The following SSBP2 variants were observed in gnomAD, a reference collection of about 807,000 sequenced individuals.
SSBP2 encodes the protein single-stranded DNA-binding protein 2.
In SSBP2, 17 loss-of-function variants were observed where a neutral mutation model predicts 61.8. That is an observed-to-expected ratio of 0.28 (90% confidence interval 0.19 to 0.41). SSBP2 has a LOEUF of 0.41. SSBP2 is among the 10% of genes least tolerant of loss of function. SSBP2 has a pLI of 1.00. For missense variants in SSBP2, 310 were observed against 458.7 expected (o/e 0.68, Z 2.96); for synonymous variants, 139 against 141.3 (o/e 0.98, Z 0.12).
At chr5:81,662,592 A>AGGAG (rs1750786563) in intron 1 of SSBP2, among the ~76,000 whole-genome samples, 1 of 152,160 alleles carries the variant, frequency 6.6e-6, no homozygotes, top group Admixed American at 6.5e-5. Context: ...TCACGAGGTC[A>AGGAG]GGAGTTCAAG....
chr5:81,749,657 T>G (rs879390514), intron 1 of SSBP2, among the ~76,000 whole-genome samples: 18 of 139,174 alleles, frequency 1.3e-4, no homozygotes, highest in Non-Finnish European at 2.1e-4. Flanking sequence ...ACTGATCTGT[T>G]GCACAGTTTA....
chr5:81,508,454 G>A (rs1768347030), intron 5 of SSBP2, among the ~76,000 whole-genome samples: 1 of 152,086 alleles, frequency 6.6e-6, no homozygotes, highest in Non-Finnish European at 1.5e-5. Flanking sequence ...TGTCCGACTA[G>A]TCTTACTGAT....
chr5:81,693,296 A>G (rs1224303654), intron 1 of SSBP2, among the ~76,000 whole-genome samples: 1 of 152,058 alleles, frequency 6.6e-6, no homozygotes, highest in Non-Finnish European at 1.5e-5. Context: ...CCCTACAAGC[A>G]CAAGCAATCA....
rs536046267 is a variant in SSBP2, at chr5:81,674,751, A to AAT, written c.63-24413_63-24412insAT. On this transcript the variant is annotated intron_variant, in intron 1 of 16. Coordinates refer to ENST00000320672, the MANE Select transcript of SSBP2 (RefSeq NM_012446.5). ...CGGTTGAAAGGGATAAATTACACTA[A>AAT]TATTGACAATTACAAAGTCATCTAA... is the stretch of plus-strand genomic sequence containing the variant. Among the ~76,000 whole-genome samples the AAT allele has an allele frequency of 4.0e-3, 612 of 152,310 alleles. 4 individuals are homozygous for AAT. Among genetic ancestry groups the AAT allele is most frequent in the African/African-American group, 0.014 (597 of 41,580 alleles).
intron 1 of SSBP2, among the ~76,000 whole-genome samples, chr5:81,706,064 T>C (rs1053065174): frequency 6.6e-6 from 1 of 152,164 alleles, no homozygotes; most frequent in African/African-American, 2.4e-5. Flanking sequence ...TCACAGCATA[T>C]TCACAGTAGC....
rs189265105 is a variant in SSBP2, at chr5:81,592,275, C to T, written c.282+23198G>A. Among the ~76,000 whole-genome samples the T allele has an allele frequency of 2.2e-3, 332 of 152,320 alleles. 1 individual carries two copies. Among genetic ancestry groups the T allele is most frequent in the Non-Finnish European group, 3.5e-3 (237 of 68,032 alleles). The stretch of plus-strand genomic sequence containing the variant: ...CCAAGATCAAACTGCAAGGCAGCAG[C>T]GAGGATGGGGGAGGGGCGCCTGCCA... On this transcript the variant is annotated intron_variant, in intron 4 of 16. Coordinates refer to ENST00000320672, the MANE Select transcript of SSBP2 (RefSeq NM_012446.5).
chr5:81,739,489 C>T (rs1441432443), intron 1 of SSBP2, among the ~76,000 whole-genome samples: 1 of 152,184 alleles, frequency 6.6e-6, no homozygotes, highest in African/African-American at 2.4e-5. Context: ...CCCACAGAAC[C>T]TTCTGCATAC....
At chr5:81,562,662 T>C (rs944854704) in intron 4 of SSBP2, among the ~76,000 whole-genome samples, 6 of 152,180 alleles carry the variant, frequency 3.9e-5, no homozygotes, top group African/African-American at 1.4e-4. Context: ...ATTATCTACA[T>C]ATAAACTCCA....
At chr5:81,496,345 A>C (rs1417425287) in intron 5 of SSBP2, among the ~76,000 whole-genome samples, 1 of 151,980 alleles carries the variant, frequency 6.6e-6, no homozygotes, top group Non-Finnish European at 1.5e-5. Context: ...ACGCCTGGCT[A>C]ATTTTTGTAT....
At chr5:81,585,555 A>G (rs67002381) in intron 4 of SSBP2, among the ~76,000 whole-genome samples, 39,639 of 148,714 alleles carry the variant, frequency 0.27, 5,347 homozygotes, top group Non-Finnish European at 0.31. Flanking sequence ...GTGTGTGTGT[A>G]TATATATATA....
At chr5:81,655,598 C>G (rs555878393) in intron 1 of SSBP2, among the ~76,000 whole-genome samples, 6 of 152,256 alleles carry the variant, frequency 3.9e-5, no homozygotes, top group African/African-American at 1.4e-4. Context: ...TGGTACAGCT[C>G]AGCACCTTCT....
chr5:81,580,503 T>C (rs1446641211), intron 4 of SSBP2, among the ~76,000 whole-genome samples: 1 of 152,126 alleles, frequency 6.6e-6, no homozygotes, highest in Non-Finnish European at 1.5e-5. Flanking sequence ...TAAATCTTAA[T>C]TTTGGTTGGG....
intron 2 of SSBP2, among the ~76,000 whole-genome samples, chr5:81,641,131 A>C (rs1030167342): frequency 6.6e-6 from 1 of 152,068 alleles, no homozygotes; most frequent in Non-Finnish European, 1.5e-5. Context: ...GTAGGATTAG[A>C]CTCACAGTCT....
chr5:81,488,989 C>A (rs945374968), intron 6 of SSBP2, among the ~76,000 whole-genome samples: 2 of 152,096 alleles, frequency 1.3e-5, no homozygotes, highest in South Asian at 2.1e-4. Flanking sequence ...TCTGCCATGA[C>A]CACTTAAATC....
At chr5:81,453,252 T>C (rs901758422) in intron 10 of SSBP2, among the ~76,000 whole-genome samples, 1 of 151,920 alleles carries the variant, frequency 6.6e-6, no homozygotes, top group South Asian at 2.1e-4. Flanking sequence ...GAGCTGAGAC[T>C]GCACCACTTG....
intron 5 of SSBP2, among the ~76,000 whole-genome samples, chr5:81,492,739 T>TA (rs1206700329): frequency 6.6e-6 from 1 of 152,152 alleles, no homozygotes; most frequent in African/African-American, 2.4e-5. Flanking sequence ...ACCTGGGTTT[T>TA]AGTTTCTGTA....
chr5:81,592,449 T>C (rs1031964629), intron 4 of SSBP2, among the ~76,000 whole-genome samples: 2 of 152,156 alleles, frequency 1.3e-5, no homozygotes, highest in Non-Finnish European at 2.9e-5. Context: ...AGCAGTAACC[T>C]CTGCAGACTT....
chr5:81,420,311 C>T lies in SSBP2; in HGVS notation c.*193G>A, dbSNP rs1761518039. On this transcript the variant is annotated 3_prime_UTR_variant, in exon 17 of 17. Transcript: ENST00000320672. Reference sequence around the variant, plus strand: ...TTAGGGCAATTCTAATATGCCACTCCGTACAGTTGTTTGAATCACATTTGG... The same window carrying T: ...TTAGGGCAATTCTAATATGCCACTCTGTACAGTTGTTTGAATCACATTTGG... The T allele has an allele frequency of 4.9e-6, 3 of 609,382 alleles. No individual in the cohort carries two copies. The highest frequency in any genetic ancestry group is 2.0e-5 in the South Asian group (1 of 49,344). The allele number at this position is 609,382 out of a possible 1,614,324, so 37.7% of individuals were successfully genotyped here. A position where few individuals can be genotyped will look rare whatever the true frequency, so the allele number is the denominator to read the frequency against.
At chr5:81,608,777 G>A (rs1378308495) in intron 4 of SSBP2, among the ~76,000 whole-genome samples, 1 of 152,060 alleles carries the variant, frequency 6.6e-6, no homozygotes, top group African/African-American at 2.4e-5. Context: ...TAGAATGGGG[G>A]TGGGGGTTTG....
Sources: allele counts gnomAD v4.1 joint callset (sites outside exome capture counted in the v4.1 genomes callset), GRCh38; gene constraint gnomAD v4.1.1; transcripts MANE v1.5; gene names NCBI Gene and HGNC (gene_info 2026-07-23, HGNC 2026-07-21).